Variants in PNLIP observed in about 807,000 individuals in gnomAD.
PNLIP encodes pancreatic triacylglycerol lipase.
Under a neutral mutation model 57.1 loss-of-function variants are expected in PNLIP, and 49 were observed. The observed-to-expected ratio is 0.86, with a 90% CI of 0.68 to 1.09. The LOEUF is 1.09. Ranked by LOEUF, PNLIP falls within the 50% of genes least tolerant of loss-of-function variation. The pLI, the probability that PNLIP is intolerant of heterozygous loss-of-function variation, is 0.00. For missense variants in PNLIP, 503 were observed against 570.2 expected, an observed-to-expected ratio of 0.88 and a Z score of 1.20; for synonymous variants, 209 against 200.4, an observed-to-expected ratio of 1.04 and a Z score of -0.36.
intron 3 of PNLIP, among the ~76,000 whole-genome samples, chr10:116,547,825 C>T (rs1255541585): frequency 1.3e-5 from 2 of 151,380 alleles, no homozygotes; most frequent in East Asian, 1.9e-4. Flanking sequence ...AAAAATCAGC[C>T]GTGAAATTTG....
chr10:116,555,536 T>C, intron 8 of PNLIP, 29 bp downstream of exon 8: 1 of 1,604,084 alleles, frequency 6.2e-7, no homozygotes, highest in Non-Finnish European at 8.5e-7. Context: ...GAAAGAGATC[T>C]TCTTGGGAGA....
intron 3 of PNLIP, 120 bp from the exon 4 acceptor site, chr10:116,548,240 A>G: frequency 1.2e-6 from 1 of 867,038 alleles, no homozygotes; most frequent in Non-Finnish European, 1.8e-6. Context: ...CTATGGAGGA[A>G]TCATTATTCA....
chr10:116,558,933 AT>A (rs936547293), intron 9 of PNLIP, among the ~76,000 whole-genome samples: 8 of 152,082 alleles, frequency 5.3e-5, no homozygotes, highest in African/African-American at 1.7e-4. Context: ...CTCGTTGTAG[AT>A]TTTTATAGTA....
chr10:116,550,369 C>G (rs546321036), intron 4 of PNLIP, among the ~76,000 whole-genome samples: 8 of 149,750 alleles, frequency 5.3e-5, no homozygotes, highest in Non-Finnish European at 1.0e-4. Context: ...TTCTCAAATT[C>G]TTTTTGAAAA....
intron 5 of PNLIP, 120 bp from the exon 6 acceptor site, chr10:116,553,607 T>C: frequency 1.4e-6 from 1 of 704,396 alleles, no homozygotes; most frequent in South Asian, 1.5e-5. Context: ...GTAAATATAC[T>C]TTATGATGTT....
At chr10:116,554,200 C>G (rs777732305) in intron 6 of PNLIP, among the ~76,000 whole-genome samples, 2 of 152,030 alleles carry the variant, frequency 1.3e-5, no homozygotes, top group Admixed American at 6.6e-5. Flanking sequence ...TTAAGGACAT[C>G]GAGAGATTTT....
At chr10:116,552,721 C>A (rs1378660619) in intron 5 of PNLIP, among the ~76,000 whole-genome samples, 1 of 151,996 alleles carries the variant, frequency 6.6e-6, no homozygotes, top group Non-Finnish European at 1.5e-5. Context: ...CCTGTCTCTA[C>A]TAAAAATACA....
At chr10:116,562,915 A>G (rs1847328765) in intron 12 of PNLIP, among the ~76,000 whole-genome samples, 1 of 152,234 alleles carries the variant, frequency 6.6e-6, no homozygotes, top group South Asian at 2.1e-4. Flanking sequence ...GCATTGCAGA[A>G]CAAAAAGGTC....
intron 9 of PNLIP, among the ~76,000 whole-genome samples, chr10:116,558,388 GT>G (rs1255877547): frequency 2.6e-5 from 4 of 151,332 alleles, no homozygotes; most frequent in Non-Finnish European, 5.9e-5. Context: ...TAGAGACGGG[GT>G]TTCACCATGT....
rs765879360 is a variant in PNLIP, at chr10:116,561,559, G to C, written c.1257G>C (p.Trp419Cys). The change falls in exon 12 of 13, where the codon TGG becomes TGC. Residue 419 changes from tryptophan (W) to cysteine (C), a missense_variant. Trp to Cys is a radical substitution (Grantham distance 215, BLOSUM62 -2). Transcript: ENST00000369221. ...ACTTGCAGATGGTTAAATTTATTTG[G>C]TATAACAATGTGATCAACCCAACTT... The part of the protein sequence containing the change: ...VGDLQMVKFI[W>C]YNNVINPTLP... 1 of 1,613,450 alleles carries C rather than the reference G, an allele frequency of 6.2e-7. No homozygotes were observed. The highest frequency in any genetic ancestry group is 1.1e-5 in the South Asian group (1 of 90,984).
chr10:116,555,090 C>A (rs1847237994), intron 6 of PNLIP, 88 bp from the exon 7 acceptor site: 1 of 1,418,750 alleles, frequency 7.0e-7, no homozygotes, highest in Non-Finnish European at 9.9e-7. Context: ...AGAACCCGTT[C>A]ATCCCTTTCC....
intron 2 of PNLIP, 38 bp from the exon 3 acceptor site, chr10:116,547,256 C>T (rs1246996608): frequency 6.2e-7 from 1 of 1,600,568 alleles, no homozygotes; most frequent in Non-Finnish European, 8.6e-7. Context: ...TTAAAAAGAG[C>T]ATGTTTGTAA....
chr10:116,561,827 T>C (rs1387846262), intron 12 of PNLIP, among the ~76,000 whole-genome samples, 191 bp downstream of exon 12: 8 of 152,162 alleles, frequency 5.3e-5, no homozygotes, highest in Non-Finnish European at 1.0e-4. Flanking sequence ...GATCAATTCA[T>C]GATAGATGTG....
At chr10:116,551,667 T>A (rs1847195485) in intron 5 of PNLIP, among the ~76,000 whole-genome samples, 1 of 152,210 alleles carries the variant, frequency 6.6e-6, no homozygotes, top group Non-Finnish European at 1.5e-5. Flanking sequence ...TTGTTTTTAT[T>A]TTTACTTTCT....
rs1847136195 is a variant in PNLIP at position 116,547,278 on chromosome 10, T to C, written c.47-16T>C. 3 of 1,613,192 alleles carry C rather than the reference T, an allele frequency of 1.9e-6. No individual in the cohort carries two copies. The highest frequency in any genetic ancestry group is 2.2e-5 in the East Asian group (1 of 44,864). On this transcript the variant is annotated splice_polypyrimidine_tract_variant and intron_variant, in intron 2 of 12. Coordinates refer to ENST00000369221, the MANE Select transcript of PNLIP (RefSeq NM_000936.4). ...GAGCATGTTTGTAAAACTAATATCC[T>C]TCTGGGGGATTGCAGGAAAAGAAGT... is the stretch of plus-strand genomic sequence containing the variant.
intron 3 of PNLIP, 48 bp from the exon 4 acceptor site, chr10:116,548,312 A>C (rs776315488): frequency 1.2e-6 from 2 of 1,600,740 alleles, no homozygotes; most frequent in Admixed American, 3.4e-5. Flanking sequence ...AAATGGTTCT[A>C]TTGGCTACTA....
At chr10:116,550,758 C>T (rs929837457) in intron 4 of PNLIP, among the ~76,000 whole-genome samples, 9 of 152,142 alleles carry the variant, frequency 5.9e-5, no homozygotes, top group African/African-American at 1.9e-4. Flanking sequence ...TAAGGGACAA[C>T]GTAGTCTTAT....
In PNLIP at chr10:116,548,402, AAAAC is replaced by A; in HGVS notation, c.248_251del (p.Thr83IlefsTer12). On this transcript the variant is annotated frameshift_variant, in exon 4 of 13. Transcript: ENST00000369221. LOFTEE classifies it high-confidence loss of function. ...ATCAAGCATCAGTGGCTCCAATTTC[AAAAC>A]AAATAGAAAAACTCGCTTTATTATT... The A allele has an allele frequency of 6.2e-7, 1 of 1,614,144 alleles. No individual in the cohort carries two copies. Among genetic ancestry groups the A allele is most frequent in the South Asian group, 1.1e-5 (1 of 91,076 alleles).
In PNLIP at chr10:116,560,457, G is replaced by A. The variant is rs202075908; in HGVS notation, c.1102G>A (p.Val368Ile). The change falls in exon 11 of 13, where the codon GTT (valine) becomes ATT (isoleucine). Residue 368 changes from valine (V) to isoleucine (I), a missense_variant. Coordinates refer to ENST00000369221, the MANE Select transcript of PNLIP (RefSeq NM_000936.4). Reference sequence around the variant, plus strand: ...ATCTGTCACACTGTCTGGAAAAAAGGTTACAGGACACATACTAGTTTCTTT... The same window carrying A: ...ATCTGTCACACTGTCTGGAAAAAAGATTACAGGACACATACTAGTTTCTTT... ...KVSVTLSGKKVTGHILVSLFG... is the reference protein window; with the variant it reads ...KVSVTLSGKKITGHILVSLFG... 41 of 1,608,464 alleles carry A rather than the reference G, an allele frequency of 2.5e-5. No individual in the cohort carries two copies. The highest frequency in any genetic ancestry group is 2.2e-5 in the South Asian group (2 of 90,310).
Sources: gnomAD v4.1 joint callset for allele counts (sites outside exome capture counted in the v4.1 genomes callset) on GRCh38, gnomAD v4.1.1 for gene constraint, MANE v1.5 for transcripts, NCBI Gene and HGNC (gene_info 2026-07-23, HGNC 2026-07-21) for gene names.